Variants in FLT4 observed in about 807,000 individuals in gnomAD.
FLT4 encodes vascular endothelial growth factor receptor 3.
A neutral mutation model predicts 163.2 loss-of-function variants in FLT4; 30 were observed. That is an observed-to-expected ratio of 0.18 (90% CI 0.14 to 0.25). The LOEUF (loss-of-function observed/expected upper bound fraction) is 0.25, where lower values mean the gene tolerates loss of function less well. Ranked by LOEUF, FLT4 falls within the 10% of genes least tolerant of loss-of-function variation. FLT4 has a pLI of 1.00. For synonymous variants in FLT4, 884 were observed against 789.5 expected, an observed-to-expected ratio of 1.12 and a Z score of -2.01; for missense variants, 1,510 against 1,863.8, an observed-to-expected ratio of 0.81 and a Z score of 3.50.
At chr5:180,605,373 A>G (rs752447127) in intron 29 of FLT4, among the ~76,000 whole-genome samples, 6 of 152,186 alleles carry the variant, frequency 3.9e-5, no homozygotes, top group Non-Finnish European at 7.3e-5. Context: ...ATTCAACAAA[A>G]CAAGCCACTG....
At chr5:180,642,035 C>T (rs1195916208) in intron 1 of FLT4, among the ~76,000 whole-genome samples, 3 of 152,018 alleles carry the variant, frequency 2.0e-5, no homozygotes, top group East Asian at 1.9e-4. Flanking sequence ...GGTGAAACCC[C>T]ATCTCTACTA....
chr5:180,609,388 A>G (rs139699121), intron 28 of FLT4: 18 of 457,556 alleles, frequency 3.9e-5, no homozygotes, highest in African/African-American at 3.3e-4. Flanking sequence ...GGCAGCTCGT[A>G]GTTCAAAAAA....
intron 1 of FLT4, among the ~76,000 whole-genome samples, chr5:180,648,818 T>C (rs1183486011): frequency 1.3e-5 from 2 of 152,152 alleles, no homozygotes; most frequent in Non-Finnish European, 2.9e-5. Flanking sequence ...GAGGCCCCTG[T>C]CCCCTCAAAT....
At chr5:180,628,203 T>C (rs1401342078) in intron 8 of FLT4, among the ~76,000 whole-genome samples, 1 of 152,144 alleles carries the variant, frequency 6.6e-6, no homozygotes, top group South Asian at 2.1e-4. Flanking sequence ...GGACTCAAAG[T>C]GTGACTGACT....
intron 23 of FLT4, among the ~76,000 whole-genome samples, chr5:180,615,589 GT>G (rs66466575): frequency 2.1e-3 from 72 of 33,552 alleles, no homozygotes; most frequent in African/African-American, 3.7e-3. Flanking sequence ...GGAGCACTGG[GT>G]CCCGCTGGTC....
intron 1 of FLT4, among the ~76,000 whole-genome samples, chr5:180,644,932 C>A (rs1441250018): frequency 2.0e-5 from 3 of 152,246 alleles, no homozygotes; most frequent in Non-Finnish European, 2.9e-5. Context: ...GCCCCTTCCG[C>A]TTGGAGCAGC....
Position 180,649,567 on chromosome 5 carries a change from C to T in FLT4, c.-22G>A. ...GCATCTCCGGCCGCTGCGCGTGGGT[C>T]CGACCCGAGCGGCCGCGGCTCGGGG... is the stretch of plus-strand genomic sequence containing the variant. On this transcript the variant is annotated 5_prime_UTR_variant, in exon 1 of 30. Coordinates refer to ENST00000261937, the MANE Select transcript of FLT4 (RefSeq NM_182925.5). The T allele has an allele frequency of 1.4e-6, 2 of 1,380,062 alleles. No individual in the cohort carries two copies. The highest frequency in any genetic ancestry group is 3.0e-5 in the South Asian group (2 of 66,624). 85.5% of individuals were successfully genotyped at this position (1,380,062 alleles called of 1,614,324 possible). A position where few individuals can be genotyped will look rare whatever the true frequency, so the allele number is the denominator to read the frequency against.
intron 1 of FLT4, among the ~76,000 whole-genome samples, chr5:180,649,118 G>A (rs145505674): frequency 0.013 from 1,927 of 151,794 alleles, 47 homozygotes; most frequent in African/African-American, 0.044. Flanking sequence ...ACGGCGCGGC[G>A]CGGGGACCCC....
intron 11 of FLT4, 34 bp from the exon 12 acceptor site, chr5:180,622,873 G>T: frequency 6.8e-7 from 1 of 1,473,470 alleles, no homozygotes; most frequent in Non-Finnish European, 9.5e-7. Flanking sequence ...TCCATTTCCT[G>T]CCCAAGTTCT....
chr5:180,630,540 G>A lies in FLT4; in HGVS notation c.400+15C>T, dbSNP rs368517498. ...CCGGGACCCTGCTCCAGCCTGGCCCGCCTCCAAGTCTCACCTCTCACGAAC... is the reference window on the plus strand; with the variant it reads ...CCGGGACCCTGCTCCAGCCTGGCCCACCTCCAAGTCTCACCTCTCACGAAC... On this transcript the variant is annotated intron_variant, in intron 3 of 29. Coordinates refer to ENST00000261937, the MANE Select transcript of FLT4 (RefSeq NM_182925.5). The surrounding 1 kb of genome is among the most constrained non-coding windows in gnomAD (Gnocchi z 6.3). The A allele has an allele frequency of 2.2e-5, 36 of 1,612,540 alleles. No individual in the cohort carries two copies. The highest frequency in any genetic ancestry group is 2.0e-4 in the Admixed American group (12 of 60,006).
chr5:180,617,024 G>A (rs766707010), intron 21 of FLT4, 30 bp from the exon 22 acceptor site: 48 of 1,559,768 alleles, frequency 3.1e-5, no homozygotes, highest in Non-Finnish European at 6.2e-6. Context: ...GGGCTCAGGA[G>A]GCGCCTCCTC....
At chr5:180,609,769 GCT>G in intron 28 of FLT4, 134 bp downstream of exon 28, 2 of 1,096,440 alleles carry the variant, frequency 1.8e-6, no homozygotes, top group Non-Finnish European at 2.7e-6. Context: ...TGTGCCCAAG[GCT>G]CACCCTGGAC....
At position 180,618,775 on chromosome 5, in the gene FLT4, T is replaced by G; in HGVS notation, c.2996A>C (p.Gln999Pro). 6.3e-7 allele frequency: 1 copy of G among 1,589,474 alleles called. No individual in the cohort carries two copies. Among genetic ancestry groups the G allele is most frequent in the Non-Finnish European group, 8.6e-7 (1 of 1,168,588 alleles). The change falls in exon 21 of 30, where the codon CAA becomes CCA. Residue 999 changes from glutamine (Q) to proline (P), a missense_variant. By Grantham distance (76) the Gln-to-Pro change is moderately conservative. Transcript: ENST00000261937. ...EGGARRASPD[Q>P]EAEDLWLSPL... is the part of the protein sequence containing the mutation. ...GGAAGAGGCCAGGCTCTCACCTTCT[T>G]GGTCTGGAGAAGCCCGCCTCGCTCC...
chr5:180,624,317 C>T (rs185842123), intron 10 of FLT4, among the ~76,000 whole-genome samples: 80 of 151,930 alleles, frequency 5.3e-4, no homozygotes, highest in African/African-American at 1.9e-3. Flanking sequence ...ACCTCCGCCT[C>T]CTGGGTTCAA....
chr5:180,602,300 C>T lies in FLT4; in HGVS notation c.*892G>A, dbSNP rs781498936. 6.0e-5 allele frequency: 16 copies of T among 266,430 alleles called. No individual in the cohort carries two copies. The highest frequency in any genetic ancestry group is 1.3e-4 in the African/African-American group (6 of 46,324). The allele number at this position is 266,430 out of a possible 1,614,324, so 16.5% of individuals were successfully genotyped here. A position where few individuals can be genotyped will look rare whatever the true frequency, so the allele number is the denominator to read the frequency against. ...CGGGCTCTAAAGGGAAGAACCAGAC[C>T]GGCAGCTCCAGACCCAGGCTCCTCG... On this transcript the variant is annotated 3_prime_UTR_variant, in exon 30 of 30. Coordinates refer to ENST00000261937, the MANE Select transcript of FLT4 (RefSeq NM_182925.5).
chr5:180,618,971 G>A, intron 20 of FLT4, 50 bp downstream of exon 20: 1 of 1,555,718 alleles, frequency 6.4e-7, no homozygotes, highest in South Asian at 1.2e-5. Context: ...CGCCGCAGAG[G>A]CGCCTCCATT....
At chr5:180,632,163 T>G (rs1454303824) in intron 1 of FLT4, among the ~76,000 whole-genome samples, 1 of 151,930 alleles carries the variant, frequency 6.6e-6, no homozygotes, top group Non-Finnish European at 1.5e-5. Context: ...CCTGAGGCCC[T>G]CCCTCCTGAA....
chr5:180,612,716 T>A (rs1762312127), intron 25 of FLT4, 105 bp from the exon 26 acceptor site: 1 of 797,800 alleles, frequency 1.3e-6, no homozygotes, highest in Non-Finnish European at 2.2e-6. Context: ...GCCCTCCTCC[T>A]GACACGTCTC....
rs2127813725 is a variant in FLT4 at position 180,620,947 on chromosome 5, G to A, written c.2228C>T (p.Ala743Val). 6.2e-7 allele frequency: 1 copy of A among 1,610,092 alleles called. No homozygotes were observed. The highest frequency in any genetic ancestry group is 8.5e-7 in the Non-Finnish European group (1 of 1,178,530). Residue 743 changes from alanine to valine, a missense_variant, in exon 15 of 30, where the codon GCG becomes GTG. Ala to Val is a moderately conservative substitution (Grantham distance 64). Coordinates refer to ENST00000261937, the MANE Select transcript of FLT4 (RefSeq NM_182925.5). This position sits in a 1 kb window ranked among gnomAD's most constrained non-coding sequence, Gnocchi z 4.4. ...GCACACGCTGCACAGATAGCGTCCC[G>A]CATCCTCCTCGCGCACGCGCTGGAT... ...LSIQRVREED[A>V]GRYLCSVCNA...
Sources: gnomAD v4.1 joint callset for allele counts (sites outside exome capture counted in the v4.1 genomes callset) on GRCh38, gnomAD v4.1.1 for gene constraint, Gnocchi (gnomAD v3.1) non-coding constraint, MANE v1.5 for transcripts, NCBI Gene and HGNC (gene_info 2026-07-23, HGNC 2026-07-21) for gene names.